Variants in SNAP91 observed in about 807,000 individuals in gnomAD.
SNAP91 encodes synaptosome associated protein 91.
In SNAP91, 27 loss-of-function variants were observed where a neutral mutation model predicts 100.3. The observed-to-expected ratio is 0.27, with a 90% CI of 0.20 to 0.37. The LOEUF is 0.37. Ranked by LOEUF, SNAP91 falls within the 10% of genes least tolerant of loss-of-function variation. SNAP91 has a pLI of 1.00. For synonymous variants in SNAP91, 404 were observed against 398.6 expected (o/e 1.01, Z -0.16); for missense variants, 986 against 1,123.7 (o/e 0.88, Z 1.75).
chr6:83,693,280 C>A (rs185951906), intron 2 of SNAP91, among the ~76,000 whole-genome samples: 1 of 152,242 alleles, frequency 6.6e-6, no homozygotes, highest in African/African-American at 2.4e-5. Flanking sequence ...GAGTATTTAA[C>A]TAATGGGCTT....
In SNAP91 at chr6:83,626,797, C is replaced by T. The variant is rs188481670; in HGVS notation, c.766-3455G>A. Among the ~76,000 whole-genome samples the T allele has an allele frequency of 1.5e-3, 228 of 152,086 alleles. 1 individual carries two copies. Among genetic ancestry groups the T allele is most frequent in the Middle Eastern group, 3.4e-3 (1 of 294 alleles). On this transcript the variant is annotated intron_variant, in intron 8 of 29. Transcript: ENST00000369694. ...GGATTTTCTAGGTGTAGAATCATAT[C>T]CTTAGCAAAGAGAGATAGTTTGACT...
At chr6:83,706,998 A>C (rs1391530924) in intron 2 of SNAP91, among the ~76,000 whole-genome samples, 1 of 152,258 alleles carries the variant, frequency 6.6e-6, no homozygotes, top group Non-Finnish European at 1.5e-5. Context: ...TATAGATTCC[A>C]GAGTAGAATA....
intron 11 of SNAP91, among the ~76,000 whole-genome samples, chr6:83,612,013 G>A (rs1171013307): frequency 1.3e-5 from 2 of 151,332 alleles, no homozygotes; most frequent in Admixed American, 1.3e-4. Flanking sequence ...GAGCCACCGC[G>A]CCAGGCCCAA....
rs1483297245 is a variant in SNAP91, at chr6:83,663,515, C to T, written c.274-1093G>A. The stretch of plus-strand genomic sequence containing the variant: ...TGAGTGGTCTGGATAAAAGATCAAA[C>T]CAGCTACAACATTCCCTCAAGCCAA... On this transcript the variant is annotated intron_variant, in intron 3 of 29. Transcript: ENST00000369694. 2.6e-5 allele frequency among the ~76,000 whole-genome samples: 4 copies of T among 152,108 alleles called. No individual in the cohort carries two copies. The South Asian group carries it at 6.2e-4, about 24-fold the overall frequency.
intron 9 of SNAP91, among the ~76,000 whole-genome samples, chr6:83,617,496 T>C (rs1359084665): frequency 3.9e-5 from 6 of 151,936 alleles, no homozygotes; most frequent in Non-Finnish European, 8.8e-5. Context: ...GGAAAAACCA[T>C]TTAAATATAT....
At chr6:83,556,651 T>C (rs889065161) in intron 28 of SNAP91, among the ~76,000 whole-genome samples, 1 of 152,162 alleles carries the variant, frequency 6.6e-6, no homozygotes, top group Non-Finnish European at 1.5e-5. Context: ...AACATAAAGA[T>C]ATTATGAACA....
At chr6:83,620,147 T>A (rs561173340) in intron 9 of SNAP91, among the ~76,000 whole-genome samples, 8 of 152,180 alleles carry the variant, frequency 5.3e-5, no homozygotes, top group Non-Finnish European at 1.0e-4. Flanking sequence ...CTAAAAGATA[T>A]CCATTAAATT....
chr6:83,636,567 C>A (rs2097457044), intron 8 of SNAP91, among the ~76,000 whole-genome samples: 1 of 152,158 alleles, frequency 6.6e-6, no homozygotes, highest in African/African-American at 2.4e-5. Context: ...TATCTTGGAT[C>A]ATTTTCCTGG....
At chr6:83,700,502 C>T (rs947930944) in intron 2 of SNAP91, among the ~76,000 whole-genome samples, 2 of 151,798 alleles carry the variant, frequency 1.3e-5, no homozygotes, top group African/African-American at 4.8e-5. Context: ...TTATCTTATG[C>T]ATTACTCACT....
chr6:83,613,648 A>G (rs976749059), intron 11 of SNAP91, among the ~76,000 whole-genome samples: 2 of 152,230 alleles, frequency 1.3e-5, no homozygotes, highest in African/African-American at 2.4e-5. Context: ...GTCCAAGTCT[A>G]TATGCCCCTC....
chr6:83,656,405 T>C (rs1477547196), intron 7 of SNAP91, among the ~76,000 whole-genome samples: 2 of 152,180 alleles, frequency 1.3e-5, no homozygotes, highest in Non-Finnish European at 2.9e-5. Context: ...TCATCACTGC[T>C]GAGTCCTCAG....
intron 29 of SNAP91, 64 bp downstream of exon 29, chr6:83,556,079 G>A: frequency 1.2e-6 from 1 of 858,474 alleles, no homozygotes; most frequent in Non-Finnish European, 1.9e-6. Flanking sequence ...GAGTACCTCT[G>A]AAATAGCTAA....
At chr6:83,628,865 T>TA (rs1274058825) in intron 8 of SNAP91, among the ~76,000 whole-genome samples, 1 of 151,844 alleles carries the variant, frequency 6.6e-6, no homozygotes, top group Non-Finnish European at 1.5e-5. Flanking sequence ...TTCTTTAGTT[T>TA]AATTAAGTCC....
At chr6:83,660,948 T>G (rs1216813623) in intron 5 of SNAP91, among the ~76,000 whole-genome samples, 1 of 152,042 alleles carries the variant, frequency 6.6e-6, no homozygotes, top group Non-Finnish European at 1.5e-5. Context: ...CTGACTAATT[T>G]GTTTAATTTT....
chr6:83,644,930 G>A (rs9444094), intron 7 of SNAP91, among the ~76,000 whole-genome samples: 9,715 of 152,066 alleles, frequency 0.064, 997 homozygotes, highest in African/African-American at 0.22. Flanking sequence ...AGGTGAATAC[G>A]CCAAAATATG....
chr6:83,625,736 T>C (rs944775586), intron 8 of SNAP91, among the ~76,000 whole-genome samples: 1 of 152,168 alleles, frequency 6.6e-6, no homozygotes, highest in Non-Finnish European at 1.5e-5. Flanking sequence ...GTTGTTTTTC[T>C]TGGTGATTTA....
intron 29 of SNAP91, among the ~76,000 whole-genome samples, chr6:83,555,338 A>C (rs569385529): frequency 2.0e-5 from 3 of 152,368 alleles, no homozygotes; most frequent in African/African-American, 7.2e-5. Flanking sequence ...ACAAGAGTCC[A>C]AAAACACTGA....
intron 8 of SNAP91, among the ~76,000 whole-genome samples, chr6:83,640,249 C>T (rs933202739): frequency 5.9e-5 from 9 of 152,064 alleles, no homozygotes; most frequent in Non-Finnish European, 1.2e-4. Flanking sequence ...CTTCTTAAAT[C>T]GTGTGTATAA....
At chr6:83,637,141 G>A (rs1457791560) in intron 8 of SNAP91, among the ~76,000 whole-genome samples, 1 of 152,218 alleles carries the variant, frequency 6.6e-6, no homozygotes. Context: ...GCTCTGGGGA[G>A]GGGAGGCAGG....
Sources: allele counts gnomAD v4.1 joint callset (sites outside exome capture counted in the v4.1 genomes callset), GRCh38; gene constraint gnomAD v4.1.1; transcripts MANE v1.5; gene names NCBI Gene and HGNC (gene_info 2026-07-23, HGNC 2026-07-21).